Variants in RNF216 observed in about 807,000 individuals in gnomAD.
RNF216 encodes ring finger protein 216.
In RNF216, 72 loss-of-function variants were observed where a neutral mutation model predicts 110.8. The ratio of observed to expected loss-of-function variants is 0.65; its 90% CI spans 0.54 to 0.79. The LOEUF is 0.79. RNF216 is among the 30% of genes least tolerant of loss of function. The pLI is 0.00. For synonymous variants in RNF216, 495 were observed against 407.5 expected, an observed-to-expected ratio of 1.21 and a Z score of -2.59; for missense variants, 1,342 against 1,141.2, an observed-to-expected ratio of 1.18 and a Z score of -2.54.
At chr7:5,739,754 A>G (rs1794647779) in intron 4 of RNF216, 1 of 393,934 alleles carries the variant, frequency 2.5e-6, no homozygotes, top group South Asian at 1.9e-5. Flanking sequence ...TAATCGAAGC[A>G]CTTTGGGAGG....
At chr7:5,723,398 C>CA (rs1300777774) in intron 8 of RNF216, among the ~76,000 whole-genome samples, 1 of 152,008 alleles carries the variant, frequency 6.6e-6, no homozygotes, top group Non-Finnish European at 1.5e-5. Flanking sequence ...CCTGTAATCT[C>CA]GCACTTTGGG....
At chr7:5,711,302 A>G (rs1221703880) in intron 13 of RNF216, among the ~76,000 whole-genome samples, 1 of 152,150 alleles carries the variant, frequency 6.6e-6, no homozygotes, top group African/African-American at 2.4e-5. Context: ...CAAATAAATA[A>G]CCTACCAGAT....
intron 13 of RNF216, among the ~76,000 whole-genome samples, chr7:5,695,269 C>G (rs1445152111): frequency 6.6e-6 from 1 of 152,230 alleles, no homozygotes; most frequent in Admixed American, 6.5e-5. Flanking sequence ...ACAAAACCAC[C>G]TGCGCAGACC....
chr7:5,757,653 G>A (rs1795713567), intron 2 of RNF216, among the ~76,000 whole-genome samples: 1 of 152,092 alleles, frequency 6.6e-6, no homozygotes, highest in Non-Finnish European at 1.5e-5. Flanking sequence ...AATATATACA[G>A]TATGTATAAT....
chr7:5,779,123 A>AAT (rs1342164512), intron 1 of RNF216, among the ~76,000 whole-genome samples: 4 of 152,234 alleles, frequency 2.6e-5, no homozygotes, highest in African/African-American at 9.6e-5. Context: ...AAAGAGCTAG[A>AAT]ATATAGCAAT....
At chr7:5,645,604 T>C (rs977038075) in intron 14 of RNF216, among the ~76,000 whole-genome samples, 11 of 152,252 alleles carry the variant, frequency 7.2e-5, no homozygotes, top group African/African-American at 2.6e-4. Flanking sequence ...TTTCTTTTTT[T>C]TTTTTGCAAC....
rs1554352520 is a variant in RNF216 at position 5,660,943 on chromosome 7, G to GTTTTGTTTTTT, written c.2062-8434_2062-8433insAAAAAACAAAA. Among the ~76,000 whole-genome samples the GTTTTGTTTTTT allele has an allele frequency of 3.4e-4, 31 of 90,150 alleles. 1 individual carries two copies. Among genetic ancestry groups the GTTTTGTTTTTT allele is most frequent in the African/African-American group, 1.7e-3 (31 of 18,268 alleles). 59.1% of individuals were successfully genotyped at this position (90,150 alleles called of 152,430 possible). On this transcript the variant is annotated intron_variant, in intron 13 of 16. Coordinates refer to ENST00000389902, the MANE Select transcript of RNF216 (RefSeq NM_207111.4). ...TAGCTCCATGCTCCTGAAGCCTTAG[G>GTTTTGTTTTTT]TTTTTTTTTTTTTTTTTTTTTTTTT... is the stretch of plus-strand genomic sequence containing the variant.
chr7:5,633,970 G>C (rs1299744453), intron 15 of RNF216, among the ~76,000 whole-genome samples: 1 of 152,180 alleles, frequency 6.6e-6, no homozygotes, highest in Admixed American at 6.5e-5. Context: ...AGAAAACGAA[G>C]AAAGAGAAAC....
intron 5 of RNF216, among the ~76,000 whole-genome samples, chr7:5,734,518 T>C (rs1794276949): frequency 6.6e-6 from 1 of 152,114 alleles, no homozygotes; most frequent in Non-Finnish European, 1.5e-5. Context: ...TATTCTATAA[T>C]AACCAAGTTT....
chr7:5,692,987 T>G (rs1791425016), intron 13 of RNF216, among the ~76,000 whole-genome samples: 1 of 152,230 alleles, frequency 6.6e-6, no homozygotes, highest in African/African-American at 2.4e-5. Flanking sequence ...TCCTCCCATT[T>G]AAGACACAAT....
At chr7:5,677,983 AG>A in intron 13 of RNF216, among the ~76,000 whole-genome samples, 1 of 152,174 alleles carries the variant, frequency 6.6e-6, no homozygotes, top group South Asian at 2.1e-4. Flanking sequence ...TGATCTTTCC[AG>A]GGGGTAACCA....
At chr7:5,740,879 C>T (rs1794713414) in intron 4 of RNF216, 94 bp downstream of exon 4, 1 of 1,212,866 alleles carries the variant, frequency 8.2e-7, no homozygotes. Flanking sequence ...GAAGTCCACG[C>T]ATACCAACAA....
intron 10 of RNF216, among the ~76,000 whole-genome samples, chr7:5,715,994 G>C (rs1300151653): frequency 6.6e-6 from 1 of 152,028 alleles, no homozygotes; most frequent in African/African-American, 2.4e-5. Context: ...GCCTGCCTTG[G>C]CCTTCCGAAG....
Position 5,712,867 on chromosome 7 carries a change from G to C in RNF216, c.1834-4C>G, listed in dbSNP as rs1045860827. On this transcript the variant is annotated splice_region_variant and splice_polypyrimidine_tract_variant and intron_variant, in intron 11 of 16. Transcript: ENST00000389902. The stretch of plus-strand genomic sequence containing the variant: ...CTTCCATGCAGCTGAGCTCCAACTA[G>C]AAAAAGGCGAAAAGGCAAAGAAAAA... The C allele has an allele frequency of 6.3e-7, 1 of 1,592,890 alleles. No homozygotes were observed.
Position 5,746,806 on chromosome 7 carries a change from A to C in RNF216, c.202-4991T>G, listed in dbSNP as rs1007582709. 3.3e-5 allele frequency among the ~76,000 whole-genome samples: 5 copies of C among 152,248 alleles called. No homozygotes were observed. The South Asian group carries it at 8.3e-4, about 25-fold the overall frequency. On this transcript the variant is annotated intron_variant, in intron 3 of 16. Coordinates refer to ENST00000389902, the MANE Select transcript of RNF216 (RefSeq NM_207111.4). ...ACTTTACCAAAAATAATTCAGAATT[A>C]TGATGACCATGATGTGGAATGTTCC...
In RNF216 at chr7:5,729,459, G is replaced by C. The variant is rs200333574; in HGVS notation, c.1362C>G (p.Leu454=). The change falls in exon 7 of 17, where the codon CTC becomes CTG. Residue 454 remains leucine (L), a synonymous_variant. Coordinates refer to ENST00000389902, the MANE Select transcript of RNF216 (RefSeq NM_207111.4). ...TTCGGGTGATTGCATAGTGTCCTTT[G>C]AGCTCGTGCAGGGCCCACTTGATGT... The part of the protein sequence containing the change: ...SQDIKWALHE[L]KGHYAITRKA... 39 of 1,614,024 alleles carry C rather than the reference G, an allele frequency of 2.4e-5. No homozygotes were observed. Among genetic ancestry groups the C allele is most frequent in the Non-Finnish European group, 3.1e-5 (37 of 1,180,038 alleles).
At chr7:5,771,328 C>T (rs961323021) in intron 1 of RNF216, among the ~76,000 whole-genome samples, 7 of 152,098 alleles carry the variant, frequency 4.6e-5, no homozygotes, top group African/African-American at 1.7e-4. Flanking sequence ...AAAATCTCCA[C>T]AATCTTAGAG....
In RNF216 at chr7:5,768,352, C is replaced by CACACACAG. The variant is rs1265243797; in HGVS notation, c.-69-7215_-69-7214insCTGTGTGT. On this transcript the variant is annotated intron_variant, in intron 1 of 16. Transcript: ENST00000389902. The stretch of plus-strand genomic sequence containing the variant: ...GGAGGCCGAGGCAGGCAAATACACA[C>CACACACAG]ACACACACACACACACACACACACA... Among the ~76,000 whole-genome samples, 3 of 128,910 alleles carry CACACACAG rather than the reference C, an allele frequency of 2.3e-5. 1 individual carries two copies. Among genetic ancestry groups the CACACACAG allele is most frequent in the Non-Finnish European group, 4.6e-5 (3 of 64,716 alleles). The allele number at this position is 128,910 out of a possible 152,430, so 84.6% of individuals were successfully genotyped here. A position where few individuals can be genotyped will look rare whatever the true frequency, so the allele number is the denominator to read the frequency against.
chr7:5,649,420 G>T (rs1480219900), intron 14 of RNF216, among the ~76,000 whole-genome samples: 2 of 151,614 alleles, frequency 1.3e-5, no homozygotes, highest in Admixed American at 1.3e-4. Flanking sequence ...AGGGAGGGAG[G>T]ATCACTCAAG....
Sources: allele counts gnomAD v4.1 joint callset (sites outside exome capture counted in the v4.1 genomes callset), GRCh38; gene constraint gnomAD v4.1.1; transcripts MANE v1.5; gene names NCBI Gene and HGNC (gene_info 2026-07-23, HGNC 2026-07-21).